Variants in TMEM217 observed in about 807,000 individuals in gnomAD.
TMEM217 encodes transmembrane protein 217.
For synonymous variants in TMEM217, 76 were observed against 88.3 expected (o/e 0.86, Z 0.78); for missense variants, 204 against 248.8 (o/e 0.82, Z 1.21).
chr6:37,257,761 G>T (rs984836622), exon 1 of TMEM217: 3 of 753,446 alleles, frequency 4.0e-6, no homozygotes, highest in Admixed American at 5.1e-5. Flanking sequence ...GTGCTGGGTG[G>T]AGGGGTGCCC....
intron 1 of TMEM217, among the ~76,000 whole-genome samples, chr6:37,225,603 T>C (rs1008408486): frequency 2.6e-5 from 4 of 152,224 alleles, no homozygotes; most frequent in African/African-American, 9.7e-5. Context: ...CTAAAACAGA[T>C]AGCAAACGTC....
chr6:37,231,658 T>G (rs1159286819), intron 1 of TMEM217, among the ~76,000 whole-genome samples: 2 of 133,528 alleles, frequency 1.5e-5, no homozygotes, highest in Admixed American at 8.0e-5. Context: ...GGCGATAGAG[T>G]GAGACTCCAT....
downstream of TMEM217, chr6:37,213,045 C>T: frequency 1.6e-6 from 2 of 1,278,848 alleles, no homozygotes; most frequent in Non-Finnish European, 2.2e-6. Context: ...CAGAGGTAGC[C>T]TTAGACAAAT....
At chr6:37,216,026 TGTGTGTGA>T (rs1049691002), downstream of TMEM217, among the ~76,000 whole-genome samples, 59 of 106,002 alleles carry the variant, frequency 5.6e-4, no homozygotes, top group African/African-American at 1.9e-3. Flanking sequence ...TGTGTGTGTG[TGTGTGTGA>T]GAAACAGATA....
At position 37,258,079 on chromosome 6, in the gene TMEM217, T is replaced by C. The variant is rs1016356156; in HGVS notation, c.-523A>G. ...GCGCCACAGAGGCCAGAAGACTGGT[T>C]TGGGGAAGCTGGGACTGCCTGGTGG... is the stretch of plus-strand genomic sequence containing the variant. On this transcript the variant is annotated 5_prime_UTR_variant, in exon 1 of 2. Transcript: ENST00000357219. 6.9e-6 allele frequency: 9 copies of C among 1,310,922 alleles called. No individual in the cohort carries two copies. The Admixed American group carries it at 7.7e-5, about 11-fold the overall frequency. The allele number at this position is 1,310,922 out of a possible 1,614,324, so 81.2% of individuals were successfully genotyped here.
chr6:37,254,723 C>G (rs927952505), intron 1 of TMEM217, among the ~76,000 whole-genome samples: 4 of 152,186 alleles, frequency 2.6e-5, no homozygotes, highest in Admixed American at 6.5e-5. Flanking sequence ...GTTCCAAACA[C>G]TATTCTAGGT....
At chr6:37,218,873 C>T (rs1233240826) in exon 2 of TMEM217, 7 of 1,614,052 alleles carry the variant, frequency 4.3e-6, no homozygotes, top group East Asian at 2.2e-5. Context: ...TATGATGTTA[C>T]TTGCACCCCT....
intron 1 of TMEM217, among the ~76,000 whole-genome samples, chr6:37,255,729 C>T (rs758290494): frequency 6.7e-5 from 10 of 149,902 alleles, no homozygotes; most frequent in Non-Finnish European, 1.5e-4. Context: ...GGGGAATGGA[C>T]TCTAAGGGGC....
At chr6:37,229,250 C>G (rs1255934701) in intron 1 of TMEM217, among the ~76,000 whole-genome samples, 2 of 150,518 alleles carry the variant, frequency 1.3e-5, no homozygotes, top group South Asian at 2.1e-4. Context: ...GCCAACTCAA[C>G]TGAACAGAGT....
At chr6:37,225,073 C>T (rs1763749680) in intron 1 of TMEM217, among the ~76,000 whole-genome samples, 1 of 151,142 alleles carries the variant, frequency 6.6e-6, no homozygotes, top group Non-Finnish European at 1.5e-5. Context: ...GGTGGCACAT[C>T]CCTGTAATCT....
chr6:37,241,627 G>C (rs1310762443), intron 1 of TMEM217, among the ~76,000 whole-genome samples: 3 of 152,170 alleles, frequency 2.0e-5, no homozygotes, highest in Non-Finnish European at 4.4e-5. Context: ...TCTGGATTCT[G>C]GGTCATCCCT....
At position 37,234,126 on chromosome 6, in the gene TMEM217, G is replaced by T. The variant is rs191494823; in HGVS notation, c.-11-15085C>A. Among the ~76,000 whole-genome samples, 19 of 138,510 alleles carry T rather than the reference G, an allele frequency of 1.4e-4. No individual in the cohort carries two copies. In the East Asian group the frequency reaches 4.0e-3, roughly 29 times the overall value. 90.9% of individuals were successfully genotyped at this position (138,510 alleles called of 152,430 possible). A position where few individuals can be genotyped will look rare whatever the true frequency, so the allele number is the denominator to read the frequency against. ...CCTTTTTTTTTTTTTTTTTGAGATA[G>T]TCTTGCTCTGTCACCCAGGATGGAG... On this transcript the variant is annotated intron_variant, in intron 1 of 1. Coordinates refer to ENST00000357219, the Ensembl canonical transcript of TMEM217.
exon 4 of TMEM217, chr6:37,212,408 G>A (rs539295671): frequency 2.5e-6 from 1 of 401,370 alleles, no homozygotes; most frequent in South Asian, 1.8e-5. Context: ...CTGGCATCTG[G>A]CATGGTTCAG....
chr6:37,257,797 C>A, exon 1 of TMEM217: 2 of 1,092,116 alleles, frequency 1.8e-6, no homozygotes, highest in Non-Finnish European at 2.7e-6. Context: ...TCCCCAGGAG[C>A]TGGGAGCGGG....
intron 1 of TMEM217, among the ~76,000 whole-genome samples, chr6:37,247,608 G>A (rs1202632798): frequency 1.3e-5 from 2 of 151,954 alleles, no homozygotes; most frequent in South Asian, 2.1e-4. Flanking sequence ...GGATGGTCTC[G>A]ATCTCCTGAC....
exon 1 of TMEM217, chr6:37,258,089 T>C (rs1251784699): frequency 6.0e-6 from 7 of 1,161,612 alleles, no homozygotes; most frequent in Non-Finnish European, 7.1e-6. Context: ...TTGGGGAAGC[T>C]GGGACTGCCT....
chr6:37,219,574 C>G (rs1763401835), intron 1 of TMEM217, among the ~76,000 whole-genome samples: 1 of 151,932 alleles, frequency 6.6e-6, no homozygotes, highest in Non-Finnish European at 1.5e-5. Context: ...AACCCCATCT[C>G]TACAAAAATT....
At chr6:37,258,028 T>C in exon 1 of TMEM217, 1 of 1,587,402 alleles carries the variant, frequency 6.3e-7, no homozygotes, top group Non-Finnish European at 8.6e-7. Flanking sequence ...TTCCAGATCC[T>C]AATCCCTGAA....
intron 1 of TMEM217, among the ~76,000 whole-genome samples, chr6:37,221,190 CTT>C (rs1159972171): frequency 3.5e-5 from 5 of 143,398 alleles, no homozygotes; most frequent in Non-Finnish European, 6.1e-5. Flanking sequence ...TAAGTGGAGT[CTT>C]TTTTTTTTTT....
Sources: allele counts gnomAD v4.1 joint callset (sites outside exome capture counted in the v4.1 genomes callset), GRCh38; gene constraint gnomAD v4.1.1; transcripts MANE v1.5; gene names NCBI Gene and HGNC (gene_info 2026-07-23, HGNC 2026-07-21).